TTC29: variants seen among roughly 807,000 people sequenced by gnomAD.
TTC29 encodes tetratricopeptide repeat domain 29.
TTC29 carries 49 observed loss-of-function variants against 58.1 expected under a neutral mutation model. The ratio of observed to expected loss-of-function variants is 0.84; its 90% CI spans 0.67 to 1.07. The LOEUF is 1.07. Among genes scored for constraint, TTC29 ranks in the 50% least tolerant of loss-of-function variants. The pLI is 0.00. For synonymous variants in TTC29, 209 were observed against 196.8 expected, an observed-to-expected ratio of 1.06 and a Z score of -0.52; for missense variants, 582 against 555.6, an observed-to-expected ratio of 1.05 and a Z score of -0.48.
chr4:146,931,198 A>G (rs1356059115), intron 4 of TTC29, among the ~76,000 whole-genome samples: 3 of 152,010 alleles, frequency 2.0e-5, no homozygotes, highest in Admixed American at 2.0e-4. Context: ...AAGTCCCCTC[A>G]CTGATTAGTA....
chr4:146,802,548 A>G (rs1750304399), intron 11 of TTC29, among the ~76,000 whole-genome samples: 1 of 152,214 alleles, frequency 6.6e-6, no homozygotes, highest in Non-Finnish European at 1.5e-5. Context: ...AACAAAACTT[A>G]TTTGTGCTTA....
At chr4:146,933,943 T>G (rs1164982222) in intron 4 of TTC29, 1 of 152,206 alleles carries the variant, frequency 6.6e-6, no homozygotes, top group African/African-American at 2.4e-5. Context: ...AACGGCTCAC[T>G]GTGGAGGTCA....
chr4:146,930,674 T>C (rs1007347679), intron 4 of TTC29, among the ~76,000 whole-genome samples: 6 of 152,210 alleles, frequency 3.9e-5, no homozygotes, highest in Non-Finnish European at 8.8e-5. Context: ...TAGTTTTTAA[T>C]CTTCCCTGTT....
At chr4:146,874,089 T>G (rs192648728) in intron 7 of TTC29, among the ~76,000 whole-genome samples, 1 of 152,300 alleles carries the variant, frequency 6.6e-6, no homozygotes, top group Non-Finnish European at 1.5e-5. Flanking sequence ...ATGAAAGACA[T>G]GAGCAGCTCT....
intron 11 of TTC29, among the ~76,000 whole-genome samples, chr4:146,796,539 C>A (rs910230763): frequency 2.6e-5 from 4 of 152,000 alleles, no homozygotes; most frequent in Admixed American, 6.6e-5. Flanking sequence ...ATGTCAACAT[C>A]AACACCAATA....
intron 6 of TTC29, among the ~76,000 whole-genome samples, chr4:146,880,352 C>A (rs1348691875): frequency 3.3e-5 from 5 of 152,030 alleles, no homozygotes; most frequent in African/African-American, 1.2e-4. Context: ...CCTAAAGGAA[C>A]AAGCACTCAA....
intron 10 of TTC29, chr4:146,812,915 C>G (rs1277292297): frequency 2.6e-5 from 4 of 152,100 alleles, no homozygotes; most frequent in Admixed American, 1.3e-4. Context: ...TCAGAAGATT[C>G]TAGTAATTAG....
chr4:146,762,883 G>A (rs1230413482), intron 11 of TTC29, among the ~76,000 whole-genome samples: 1 of 151,926 alleles, frequency 6.6e-6, no homozygotes, highest in Non-Finnish European at 1.5e-5. Flanking sequence ...AATTTACAAT[G>A]TGACAACCCA....
At chr4:146,730,407 A>G (rs1331358428) in intron 11 of TTC29, among the ~76,000 whole-genome samples, 1 of 152,210 alleles carries the variant, frequency 6.6e-6, no homozygotes, top group Non-Finnish European at 1.5e-5. Flanking sequence ...GAGGAATTCA[A>G]GAGAAAGCTT....
chr4:146,854,565 C>T (rs1057352429), intron 8 of TTC29, among the ~76,000 whole-genome samples: 15 of 152,104 alleles, frequency 9.9e-5, no homozygotes, highest in African/African-American at 3.4e-4. Context: ...ATCCTCCGTC[C>T]TCACTCTTAC....
intron 11 of TTC29, among the ~76,000 whole-genome samples, chr4:146,720,699 A>G (rs1390077634): frequency 1.3e-5 from 2 of 152,150 alleles, no homozygotes; most frequent in Non-Finnish European, 2.9e-5. Flanking sequence ...AGAACTCAAT[A>G]GCAAACCAAG....
chr4:146,846,120 G>GA (rs936620361), intron 8 of TTC29, among the ~76,000 whole-genome samples: 25 of 150,130 alleles, frequency 1.7e-4, no homozygotes, highest in South Asian at 6.3e-4. Flanking sequence ...TTCAATAAGA[G>GA]AAAAAAAAAT....
intron 11 of TTC29, among the ~76,000 whole-genome samples, chr4:146,726,716 TA>T (rs1343599678): frequency 6.6e-6 from 1 of 152,176 alleles, no homozygotes; most frequent in East Asian, 1.9e-4. Flanking sequence ...TTATAAAATA[TA>T]AACTAAGTTA....
At chr4:146,930,032 A>G (rs533818216) in intron 4 of TTC29, among the ~76,000 whole-genome samples, 1 of 146,984 alleles carries the variant, frequency 6.8e-6, no homozygotes, top group Non-Finnish European at 1.5e-5. Flanking sequence ...CATACAATAT[A>G]TATATATATA....
chr4:146,896,113 T>C (rs1222896258), intron 6 of TTC29, among the ~76,000 whole-genome samples: 2 of 152,222 alleles, frequency 1.3e-5, no homozygotes, highest in Non-Finnish European at 2.9e-5. Context: ...AATTGTTTAC[T>C]GTCAATTTTT....
chr4:146,858,894 T>C (rs1349613273), intron 8 of TTC29, among the ~76,000 whole-genome samples: 2 of 152,198 alleles, frequency 1.3e-5, no homozygotes, highest in Non-Finnish European at 2.9e-5. Flanking sequence ...ATGATGTTGT[T>C]GTCCTCTCAC....
chr4:146,790,422 T>C (rs1022724350), intron 11 of TTC29, among the ~76,000 whole-genome samples: 7 of 152,124 alleles, frequency 4.6e-5, no homozygotes, highest in Admixed American at 2.6e-4. Context: ...CTCCTGACCT[T>C]GTGATCTGCC....
At chr4:146,816,377 T>TA (rs1751408008) in intron 10 of TTC29, among the ~76,000 whole-genome samples, 1 of 151,400 alleles carries the variant, frequency 6.6e-6, no homozygotes, top group Non-Finnish European at 1.5e-5. Flanking sequence ...CAAAAGCAAA[T>TA]AAAAAATCAA....
intron 11 of TTC29, among the ~76,000 whole-genome samples, chr4:146,792,446 A>G (rs371104730): frequency 6.2e-4 from 94 of 152,330 alleles, no homozygotes; most frequent in African/African-American, 2.1e-3. Context: ...ACTGCTTAGA[A>G]AAAAGATTCT....
Sources: allele counts gnomAD v4.1 joint callset (sites outside exome capture counted in the v4.1 genomes callset), GRCh38; gene constraint gnomAD v4.1.1; transcripts MANE v1.5; gene names NCBI Gene and HGNC (gene_info 2026-07-23, HGNC 2026-07-21).